The following PRR5L variants were observed in gnomAD, a reference collection of about 807,000 sequenced individuals.
PRR5L encodes proline rich 5 like, also known as proline-rich protein 5-like.
Under a neutral mutation model 36.4 loss-of-function variants are expected in PRR5L, and 21 were observed. The ratio of observed to expected loss-of-function variants is 0.58; its 90% CI spans 0.41 to 0.83. The LOEUF (loss-of-function observed/expected upper bound fraction) is 0.83, where lower values mean the gene tolerates loss of function less well. Ranked by LOEUF, PRR5L falls within the 40% of genes least tolerant of loss-of-function variation. The probability of loss-of-function intolerance (pLI) is 0.00; values close to 1 mark genes in which losing one functional copy is unlikely to be tolerated. For synonymous variants in PRR5L, 188 were observed against 197.0 expected (o/e 0.95, Z 0.38); for missense variants, 381 against 473.3 (o/e 0.80, Z 1.81).
At position 36,455,823 on chromosome 11, in the gene PRR5L, G is replaced by A. The variant is rs181633565; in HGVS notation, c.712+4488G>A. On this transcript the variant is annotated intron_variant, in intron 8 of 8. Transcript: ENST00000530639. ...ACCTCCCAGTGGGGACACAGCTGACGCACTTGTCTGAGGCTTGGCTCTGGA... is the reference window on the plus strand; with the variant it reads ...ACCTCCCAGTGGGGACACAGCTGACACACTTGTCTGAGGCTTGGCTCTGGA... 2.2e-3 allele frequency among the ~76,000 whole-genome samples: 342 copies of A among 152,326 alleles called. 2 individuals are homozygous for A. Among genetic ancestry groups the A allele is most frequent in the Non-Finnish European group, 3.8e-3 (258 of 68,024 alleles).
chr11:36,371,897 A>G (rs4756307), intron 1 of PRR5L, among the ~76,000 whole-genome samples: 38,794 of 151,740 alleles, frequency 0.26, 5,842 homozygotes, highest in East Asian at 0.53. Flanking sequence ...CGTCTCTACT[A>G]AAAAAACAAA....
chr11:36,389,743 G>T (rs568664861), intron 1 of PRR5L, among the ~76,000 whole-genome samples: 142 of 152,032 alleles, frequency 9.3e-4, no homozygotes, highest in Middle Eastern at 3.4e-3. Context: ...CCCCTGAGTA[G>T]CTGGGATTAC....
At chr11:36,402,551 A>G (rs1192461238) in intron 2 of PRR5L, among the ~76,000 whole-genome samples, 1 of 152,196 alleles carries the variant, frequency 6.6e-6, no homozygotes, top group Non-Finnish European at 1.5e-5. Flanking sequence ...CCCATTATGG[A>G]TATTTTAAAT....
chr11:36,315,783 A>T (rs1258144961), intron 1 of PRR5L, among the ~76,000 whole-genome samples: 1 of 152,252 alleles, frequency 6.6e-6, no homozygotes, highest in Non-Finnish European at 1.5e-5. Context: ...GATGTTGTAA[A>T]GGATATGCAA....
chr11:36,445,590 C>G (rs1052714913), intron 6 of PRR5L, among the ~76,000 whole-genome samples: 1 of 152,150 alleles, frequency 6.6e-6, no homozygotes, highest in African/African-American at 2.4e-5. Flanking sequence ...TGAAACGCAG[C>G]TGTACTTTGG....
At chr11:36,337,368 T>C (rs776407682) in intron 1 of PRR5L, among the ~76,000 whole-genome samples, 2 of 152,146 alleles carry the variant, frequency 1.3e-5, no homozygotes, top group African/African-American at 2.4e-5. Flanking sequence ...GTGCCATCTA[T>C]GAAGCAGTGA....
At position 36,401,208 on chromosome 11, in the gene PRR5L, C is replaced by G. The variant is rs765777630; in HGVS notation, c.87C>G (p.Ser29=). Residue 29 remains serine (S), a synonymous_variant, in exon 2 of 9, where the codon TCC becomes TCG. Coordinates refer to ENST00000530639, the MANE Select transcript of PRR5L (RefSeq NM_001160167.2). The part of the protein sequence containing the change: ...FRRPRPRFMS[S]PVLSDLPRFQ... ...GGCCTAGACCGCGCTTCATGAGCTC[C>G]CCCGTGCTCAGCGACCTTCCCCGAT... 6.2e-7 allele frequency: 1 copy of G among 1,614,024 alleles called. No individual in the cohort carries two copies. Among genetic ancestry groups the G allele is most frequent in the Non-Finnish European group, 8.5e-7 (1 of 1,179,980 alleles).
At chr11:36,382,545 G>T (rs1227443020) in intron 1 of PRR5L, among the ~76,000 whole-genome samples, 1 of 152,186 alleles carries the variant, frequency 6.6e-6, no homozygotes, top group Non-Finnish European at 1.5e-5. Flanking sequence ...TGTCTAAGAA[G>T]CTCCCAGGCA....
intron 1 of PRR5L, among the ~76,000 whole-genome samples, chr11:36,356,853 A>C (rs935001445): frequency 6.6e-6 from 1 of 152,148 alleles, no homozygotes; most frequent in African/African-American, 2.4e-5. Context: ...AAATTAGCCA[A>C]TTAATAATGC....
chr11:36,462,686 G>A lies in PRR5L; in HGVS notation c.1057G>A (p.Ala353Thr). ...CAACCCTGACGGACTGGAGGAGGGG[G>A]CCAGGGGCAGCCAGGAGGGCTCGGA... The part of the protein sequence containing the change: ...TDNPDGLEEG[A>T]RGSQEGSELN... Residue 353 changes from alanine (A) to threonine (T), a missense_variant, in exon 9 of 9, where the codon GCC becomes ACC. Ala to Thr is a moderately conservative substitution (Grantham distance 58). Transcript: ENST00000530639. 3 of 1,601,182 alleles carry A rather than the reference G, an allele frequency of 1.9e-6. No homozygotes were observed. The highest frequency in any genetic ancestry group is 1.3e-5 in the African/African-American group (1 of 74,886).
At chr11:36,297,889 G>A (rs2133445099) in intron 1 of PRR5L, among the ~76,000 whole-genome samples, 1 of 152,272 alleles carries the variant, frequency 6.6e-6, no homozygotes, top group East Asian at 1.9e-4. Context: ...CTGACTCCTG[G>A]CAGGGGGAAG....
intron 5 of PRR5L, among the ~76,000 whole-genome samples, chr11:36,432,765 T>C (rs1255660533): frequency 1.3e-5 from 2 of 152,186 alleles, no homozygotes; most frequent in Non-Finnish European, 2.9e-5. Context: ...AGATCAAACT[T>C]ACTTCCAGAT....
At chr11:36,305,837 G>A (rs1856424566) in intron 1 of PRR5L, among the ~76,000 whole-genome samples, 1 of 152,198 alleles carries the variant, frequency 6.6e-6, no homozygotes, top group Non-Finnish European at 1.5e-5. Context: ...TTGTTGATAA[G>A]CCATTCAGTT....
chr11:36,394,964 C>T (rs1375459931), intron 1 of PRR5L, among the ~76,000 whole-genome samples: 1 of 152,124 alleles, frequency 6.6e-6, no homozygotes, highest in Non-Finnish European at 1.5e-5. Context: ...ACATTTGTGG[C>T]TGTACATCCT....
chr11:36,325,665 A>C (rs1231143699), intron 1 of PRR5L, among the ~76,000 whole-genome samples: 1 of 152,180 alleles, frequency 6.6e-6, no homozygotes, highest in Non-Finnish European at 1.5e-5. Context: ...GCTGAGTTGC[A>C]AGCCCCCTGT....
intron 1 of PRR5L, among the ~76,000 whole-genome samples, chr11:36,316,511 G>A (rs1856559044): frequency 6.6e-6 from 1 of 152,142 alleles, no homozygotes; most frequent in Non-Finnish European, 1.5e-5. Context: ...AGTGGGAAGT[G>A]CTGATTGGTG....
intron 1 of PRR5L, among the ~76,000 whole-genome samples, chr11:36,324,686 T>C (rs1412606213): frequency 6.6e-6 from 1 of 152,180 alleles, no homozygotes; most frequent in Non-Finnish European, 1.5e-5. Context: ...ACATTAAGAA[T>C]TTTAACATAT....
rs115428361 is a variant in PRR5L, at chr11:36,395,834, G to A, written c.-125-5163G>A. Among the ~76,000 whole-genome samples the A allele has an allele frequency of 9.3e-3, 1,421 of 152,200 alleles. 26 individuals are homozygous for A. The highest frequency in any genetic ancestry group is 0.033 in the African/African-American group (1,369 of 41,518). On this transcript the variant is annotated intron_variant, in intron 1 of 8. Transcript: ENST00000530639. ...ACTCCTGGGCCCAAGCGATCATCCT[G>A]CCTTAGCCTCCTCAGTAGCTAAGAA...
At chr11:36,300,770 TG>T (rs1856367193) in intron 1 of PRR5L, among the ~76,000 whole-genome samples, 1 of 152,156 alleles carries the variant, frequency 6.6e-6, no homozygotes, top group Non-Finnish European at 1.5e-5. Flanking sequence ...GGCCTGGCAG[TG>T]GTTCAGAGGC....
Sources: allele counts gnomAD v4.1 joint callset (sites outside exome capture counted in the v4.1 genomes callset), GRCh38; gene constraint gnomAD v4.1.1; transcripts MANE v1.5; gene names NCBI Gene and HGNC (gene_info 2026-07-23, HGNC 2026-07-21).